DPP6: variants seen among roughly 807,000 people sequenced by gnomAD.
DPP6 encodes A-type potassium channel modulatory protein DPP6.
In DPP6, 69 loss-of-function variants were observed where a neutral mutation model predicts 122.6. The observed-to-expected ratio is 0.56, with a 90% confidence interval of 0.46 to 0.69. DPP6 has a LOEUF of 0.69. DPP6 is among the 30% of genes least tolerant of loss of function. DPP6 has a pLI of 0.00. For synonymous variants in DPP6, 418 were observed against 433.1 expected, an observed-to-expected ratio of 0.97 and a Z score of 0.43; for missense variants, 928 against 1,116.9, an observed-to-expected ratio of 0.83 and a Z score of 2.41.
At chr7:154,576,624 G>T in intron 5 of DPP6, among the ~76,000 whole-genome samples, 1 of 152,256 alleles carries the variant, frequency 6.6e-6, no homozygotes, top group Non-Finnish European at 1.5e-5. Flanking sequence ...GGAGGAGTGG[G>T]CCAGTTTGAG....
chr7:154,769,437 A>T lies in DPP6; in HGVS notation c.904A>T (p.Ile302Phe). The part of the protein sequence containing the change: ...LYEEEILKTH[I>F]AHWWSPDGTR... ...CTTAGAGGAGATTTTGAAGACACACATCGCACACTGGTGGTCTCCGGATGG... is the reference window on the plus strand; with the variant it reads ...CTTAGAGGAGATTTTGAAGACACACTTCGCACACTGGTGGTCTCCGGATGG... The change falls in exon 9 of 26, where the codon ATC (isoleucine) becomes TTC (phenylalanine). Residue 302 changes from isoleucine to phenylalanine, a missense_variant. Transcript: ENST00000377770. 6.2e-7 allele frequency: 1 copy of T among 1,613,756 alleles called. No homozygotes were observed. The highest frequency in any genetic ancestry group is 2.2e-5 in the East Asian group (1 of 44,868).
chr7:154,883,161 A>C (rs906789065), intron 21 of DPP6, among the ~76,000 whole-genome samples: 33 of 145,960 alleles, frequency 2.3e-4, no homozygotes, highest in Non-Finnish European at 3.0e-4. Flanking sequence ...ACATGCTCAC[A>C]CATTCACACA....
At chr7:154,137,272 G>A (rs1795603597) in intron 1 of DPP6, among the ~76,000 whole-genome samples, 1 of 151,946 alleles carries the variant, frequency 6.6e-6, no homozygotes, top group South Asian at 2.1e-4. Flanking sequence ...ATTATTTTAT[G>A]AGTGAAGTCC....
chr7:154,656,834 G>A lies in DPP6; in HGVS notation c.681-12526G>A, dbSNP rs529360980. Reference sequence around the variant, plus strand: ...TGCGTGGGAGGAGGTGCCCACAGACGGGTGGAGAGGCTGTGTGGGAGGAGG... The same window carrying A: ...TGCGTGGGAGGAGGTGCCCACAGACAGGTGGAGAGGCTGTGTGGGAGGAGG... On this transcript the variant is annotated intron_variant, in intron 6 of 25. Transcript: ENST00000377770. Among the ~76,000 whole-genome samples the A allele has an allele frequency of 6.3e-4, 91 of 144,900 alleles. 1 individual carries two copies. The highest frequency in any genetic ancestry group is 1.1e-3 in the Non-Finnish European group (75 of 65,942).
intron 1 of DPP6, among the ~76,000 whole-genome samples, chr7:154,160,420 A>T (rs1563261960): frequency 6.6e-6 from 1 of 152,362 alleles, no homozygotes; most frequent in Admixed American, 6.5e-5. Context: ...GTCATCATGG[A>T]AAGTAAATTA....
At chr7:153,827,837 C>T in the DPP6 span, among the ~76,000 whole-genome samples, 2 of 152,166 alleles carry the variant, frequency 1.3e-5, no homozygotes, top group Admixed American at 1.3e-4. Flanking sequence ...CCCGTGGTGT[C>T]AATGCAGACC....
intron 3 of DPP6, among the ~76,000 whole-genome samples, chr7:154,492,465 C>T (rs950093545): frequency 6.6e-6 from 1 of 152,166 alleles, no homozygotes; most frequent in African/African-American, 2.4e-5. Flanking sequence ...AGGTATATAT[C>T]CAAAGCCTGC....
At chr7:154,057,049 G>T (rs1272686240) in intron 1 of DPP6, among the ~76,000 whole-genome samples, 1 of 152,230 alleles carries the variant, frequency 6.6e-6, no homozygotes, top group African/African-American at 2.4e-5. Flanking sequence ...ATGGAGAGTT[G>T]CAATGTTGCC....
chr7:154,066,902 G>C (rs2150501157), intron 1 of DPP6, among the ~76,000 whole-genome samples: 1 of 151,594 alleles, frequency 6.6e-6, no homozygotes, highest in Non-Finnish European at 1.5e-5. Context: ...CAGTTGGTTA[G>C]CACTCTCTGG....
At chr7:154,299,300 G>C (rs774653043) in intron 1 of DPP6, among the ~76,000 whole-genome samples, 20 of 152,170 alleles carry the variant, frequency 1.3e-4, no homozygotes, top group Non-Finnish European at 2.5e-4. Context: ...AGTAATGGGC[G>C]TGCAAGAGAA....
chr7:154,815,229 CT>C (rs1799344608), intron 16 of DPP6, among the ~76,000 whole-genome samples: 1 of 152,200 alleles, frequency 6.6e-6, no homozygotes. Flanking sequence ...TAATGTGATA[CT>C]ACCATATCTT....
At chr7:154,668,220 A>ATATATATATATATATATATATATAT (rs59348250) in intron 6 of DPP6, among the ~76,000 whole-genome samples, 662 of 24,806 alleles carry the variant, frequency 0.027, 47 homozygotes, top group Non-Finnish European at 0.067. Context: ...TATATATATA[A>ATATATATATATATATATATATATAT]TATACACATT....
chr7:154,652,787 C>G (rs765096626), intron 6 of DPP6, among the ~76,000 whole-genome samples: 4 of 152,072 alleles, frequency 2.6e-5, no homozygotes, highest in Non-Finnish European at 5.9e-5. Flanking sequence ...GAAACTACAT[C>G]TTGAGCTGAG....
chr7:154,131,544 A>G (rs1270567953), intron 1 of DPP6, among the ~76,000 whole-genome samples: 2 of 152,270 alleles, frequency 1.3e-5, no homozygotes, highest in Admixed American at 1.3e-4. Flanking sequence ...CTTCCCAACC[A>G]CTGCTCTGTA....
intron 1 of DPP6, among the ~76,000 whole-genome samples, chr7:153,964,864 T>TTTTCCC (rs2129030008): frequency 6.9e-6 from 1 of 143,932 alleles, no homozygotes. Context: ...TTCCCTTTCC[T>TTTTCCC]TTCCTTTCCT....
upstream of DPP6, among the ~76,000 whole-genome samples, chr7:153,884,817 T>C (rs1798847308): frequency 6.6e-6 from 1 of 151,594 alleles, no homozygotes; most frequent in Non-Finnish European, 1.5e-5. Flanking sequence ...CCGTCTCTAT[T>C]AAAAATACAA....
At chr7:153,757,328 C>G in the DPP6 span, among the ~76,000 whole-genome samples, 1 of 152,150 alleles carries the variant, frequency 6.6e-6, no homozygotes, top group Non-Finnish European at 1.5e-5. Context: ...TTACATCTGA[C>G]AAAATGTGCG....
intron 1 of DPP6, among the ~76,000 whole-genome samples, chr7:153,898,243 A>G (rs1477649656): frequency 1.3e-5 from 2 of 152,202 alleles, no homozygotes; most frequent in Non-Finnish European, 2.9e-5. Context: ...ACTTGAGTCT[A>G]GGAGTTTAAG....
intron 10 of DPP6, among the ~76,000 whole-genome samples, chr7:154,784,085 G>A (rs1237884772): frequency 1.3e-5 from 2 of 152,168 alleles, no homozygotes; most frequent in African/African-American, 2.4e-5. Flanking sequence ...CCTGCTTGGA[G>A]AAGGTTGCTG....
Sources: gnomAD v4.1 joint callset for allele counts (sites outside exome capture counted in the v4.1 genomes callset) on GRCh38, gnomAD v4.1.1 for gene constraint, MANE v1.5 for transcripts, NCBI Gene and HGNC (gene_info 2026-07-23, HGNC 2026-07-21) for gene names.